The following KCNAB1 variants were observed in gnomAD, a reference collection of about 807,000 sequenced individuals.
The protein encoded by KCNAB1 is potassium voltage-gated channel subfamily A regulatory beta subunit 1.
Under a neutral mutation model 64.6 loss-of-function variants are expected in KCNAB1, and 35 were observed. That is an observed-to-expected ratio of 0.54 (90% CI 0.41 to 0.72). The LOEUF (loss-of-function observed/expected upper bound fraction) is 0.72, where lower values mean the gene tolerates loss of function less well. Ranked by LOEUF, KCNAB1 falls within the 30% of genes least tolerant of loss-of-function variation. The pLI is 0.00. For synonymous variants in KCNAB1, 177 were observed against 183.8 expected, an observed-to-expected ratio of 0.96 and a Z score of 0.30; for missense variants, 401 against 512.9, an observed-to-expected ratio of 0.78 and a Z score of 2.11.
intron 2 of KCNAB1, among the ~76,000 whole-genome samples, chr3:156,428,984 A>G (rs916508420): frequency 1.3e-5 from 2 of 152,242 alleles, no homozygotes; most frequent in Non-Finnish European, 2.9e-5. Context: ...AAATAAAGTC[A>G]TAAAGTAAAA....
intron 1 of KCNAB1, among the ~76,000 whole-genome samples, chr3:156,361,234 C>T (rs185442363): frequency 9.2e-5 from 14 of 152,256 alleles, no homozygotes; most frequent in Admixed American, 2.0e-4. Context: ...CCTACTCCAG[C>T]GCCTTTGCAC....
intron 1 of KCNAB1, among the ~76,000 whole-genome samples, chr3:156,134,703 C>A (rs1039632130): frequency 6.6e-6 from 1 of 152,134 alleles, no homozygotes; most frequent in African/African-American, 2.4e-5. Context: ...TAAAAGCAAA[C>A]CATATAGAAC....
chr3:156,528,264 C>T (rs1213957463), intron 12 of KCNAB1, among the ~76,000 whole-genome samples: 2 of 151,846 alleles, frequency 1.3e-5, no homozygotes, highest in East Asian at 1.9e-4. Flanking sequence ...CAGTGATTAC[C>T]ATAAAAGGCC....
chr3:156,275,867 C>T (rs1049049899), intron 1 of KCNAB1, among the ~76,000 whole-genome samples: 1 of 152,120 alleles, frequency 6.6e-6, no homozygotes, highest in East Asian at 1.9e-4. Flanking sequence ...TCCATGAGGG[C>T]TGGAATCAAC....
intron 1 of KCNAB1, among the ~76,000 whole-genome samples, chr3:156,202,220 A>C (rs1243994694): frequency 6.6e-6 from 1 of 152,130 alleles, no homozygotes; most frequent in Admixed American, 6.5e-5. Flanking sequence ...CTCCCTGCCA[A>C]CTCAAGTGTC....
At chr3:156,404,201 A>G (rs769736877) in intron 1 of KCNAB1, among the ~76,000 whole-genome samples, 2 of 152,232 alleles carry the variant, frequency 1.3e-5, no homozygotes, top group Non-Finnish European at 2.9e-5. Context: ...TGAAGGTCTC[A>G]AAGCACAATG....
intron 1 of KCNAB1, among the ~76,000 whole-genome samples, chr3:156,374,430 T>C (rs1473854522): frequency 1.2e-5 from 1 of 85,814 alleles, no homozygotes; most frequent in Non-Finnish European, 2.3e-5. Flanking sequence ...TAGAGCACTT[T>C]ATTTGCTTGG....
chr3:156,471,102 G>A (rs146405150), intron 7 of KCNAB1, among the ~76,000 whole-genome samples: 38 of 152,336 alleles, frequency 2.5e-4, no homozygotes, highest in African/African-American at 9.1e-4. Context: ...CGTGGTAGGT[G>A]TAAAAGGTGA....
chr3:156,369,253 A>G (rs1404930871), intron 1 of KCNAB1, among the ~76,000 whole-genome samples: 1 of 152,188 alleles, frequency 6.6e-6, no homozygotes, highest in African/African-American at 2.4e-5. Flanking sequence ...AAATTCATCC[A>G]TGTTTTCATG....
chr3:156,452,979 CAG>C lies in KCNAB1; in HGVS notation c.357+50_357+51del, dbSNP rs1040057457. 3.5e-6 allele frequency: 5 copies of C among 1,413,896 alleles called. No homozygotes were observed. The African/African-American group carries it at 5.7e-5, about 16-fold the overall frequency. 87.6% of individuals were successfully genotyped at this position (1,413,896 alleles called of 1,614,324 possible). On this transcript the variant is annotated intron_variant, in intron 3 of 13. Transcript: ENST00000490337. The surrounding 1 kb of genome is among the most constrained non-coding windows in gnomAD (Gnocchi z 4.6). ...TCTATTATGCTAATGAAAGAAAATG[CAG>C]AGAGAGCTGTATTGCAGGAGTCCTC...
In KCNAB1 at chr3:156,515,120, A is replaced by G; in HGVS notation, c.765A>G (p.Arg255=). The G allele has an allele frequency of 1.2e-6, 2 of 1,612,428 alleles. No homozygotes were observed. Among genetic ancestry groups the G allele is most frequent in the Non-Finnish European group, 8.5e-7 (1 of 1,179,254 alleles). Residue 255 remains arginine (R), a synonymous_variant, in exon 10 of 14, where the codon AGA becomes AGG. Transcript: ENST00000490337. The part of the protein sequence containing the change: ...MEIMEAYSVA[R]QFNMIPPVCE... ...CCTAGGAAGCCTATTCTGTAGCAAG[A>G]CAGTTCAATATGATCCCACCGGTCT...
At chr3:156,520,640 G>A (rs200616668) in intron 11 of KCNAB1, among the ~76,000 whole-genome samples, 6 of 152,130 alleles carry the variant, frequency 3.9e-5, no homozygotes, top group Non-Finnish European at 5.9e-5. Context: ...TGCACACCTC[G>A]ATGAATCAAA....
rs146200133 is a variant in KCNAB1, at chr3:156,246,534, C to G, written c.275+125648C>G. Among the ~76,000 whole-genome samples the G allele has an allele frequency of 5.1e-3, 763 of 148,526 alleles. 5 individuals are homozygous for G. The highest frequency in any genetic ancestry group is 0.017 in the African/African-American group (698 of 40,160). ...AGGAAAATAGCTTGAACCCGAGAGG[C>G]AGAGGTTGCAGTGAGCCAAGATCAT... On this transcript the variant is annotated intron_variant, in intron 1 of 13. Transcript: ENST00000490337.
chr3:156,373,439 T>C (rs1726458875), intron 1 of KCNAB1, among the ~76,000 whole-genome samples: 1 of 152,146 alleles, frequency 6.6e-6, no homozygotes, highest in Non-Finnish European at 1.5e-5. Context: ...AAGTGAAGAG[T>C]CAAGGCCTCT....
intron 2 of KCNAB1, among the ~76,000 whole-genome samples, chr3:156,442,018 C>CA (rs1445874817): frequency 6.6e-6 from 1 of 151,932 alleles, no homozygotes; most frequent in Non-Finnish European, 1.5e-5. Flanking sequence ...TAATGTGGGC[C>CA]AAAAAACTAA....
chr3:156,258,179 A>G (rs79610737), intron 1 of KCNAB1, among the ~76,000 whole-genome samples: 2,237 of 152,286 alleles, frequency 0.015, 69 homozygotes, highest in African/African-American at 0.052. Flanking sequence ...TGGGAAATGG[A>G]ACACTCTCAT....
intron 1 of KCNAB1, among the ~76,000 whole-genome samples, chr3:156,332,619 T>G (rs1390991100): frequency 6.6e-6 from 1 of 152,168 alleles, no homozygotes; most frequent in Non-Finnish European, 1.5e-5. Context: ...AAGGCTTCCA[T>G]GCTCAATAAA....
intron 1 of KCNAB1, among the ~76,000 whole-genome samples, chr3:156,170,159 A>G (rs1655524348): frequency 6.6e-6 from 1 of 151,580 alleles, no homozygotes; most frequent in African/African-American, 2.4e-5. Context: ...GGATCAATTG[A>G]ACAATTGGTT....
chr3:156,539,118 T>TATCA (rs1553761751), downstream of KCNAB1: 6 of 152,330 alleles, frequency 3.9e-5, no homozygotes, highest in East Asian at 5.8e-4. Context: ...GCAGAGAATC[T>TATCA]ATCATTCCAA....
Sources: allele counts gnomAD v4.1 joint callset (sites outside exome capture counted in the v4.1 genomes callset), GRCh38; gene constraint gnomAD v4.1.1; non-coding constraint Gnocchi (gnomAD v3.1); transcripts MANE v1.5; gene names NCBI Gene and HGNC (gene_info 2026-07-23, HGNC 2026-07-21).